The following OSMR variants were observed in gnomAD, a reference collection of about 807,000 sequenced individuals.
OSMR encodes oncostatin-M-specific receptor subunit beta.
Under a neutral mutation model 99.9 loss-of-function variants are expected in OSMR, and 81 were observed. The ratio of observed to expected loss-of-function variants is 0.81; its 90% CI spans 0.68 to 0.97. The LOEUF is 0.97. OSMR is among the 50% of genes least tolerant of loss of function. OSMR has a pLI of 0.00. For synonymous variants in OSMR, 406 were observed against 410.4 expected (o/e 0.99, Z 0.13); for missense variants, 1,099 against 1,153.4 (o/e 0.95, Z 0.68).
downstream of OSMR, chr5:38,939,127 A>G (rs1747261289): frequency 4.3e-6 from 1 of 232,928 alleles, no homozygotes; most frequent in Non-Finnish European, 8.5e-6. Context: ...TTGCTTAATG[A>G]TCTGTGCTTT....
intron 4 of OSMR, among the ~76,000 whole-genome samples, chr5:38,882,952 A>T (rs1743410231): frequency 6.6e-6 from 1 of 152,202 alleles, no homozygotes; most frequent in African/African-American, 2.4e-5. Flanking sequence ...TCCAGAGGTC[A>T]TGTGCTTAAC....
chr5:38,890,468 T>C (rs1744079117), intron 7 of OSMR, among the ~76,000 whole-genome samples: 1 of 152,228 alleles, frequency 6.6e-6, no homozygotes, highest in Non-Finnish European at 1.5e-5. Context: ...TTCAGTCTTT[T>C]AATTAGCTAT....
At chr5:38,850,275 T>C (rs1468373059) in intron 1 of OSMR, among the ~76,000 whole-genome samples, 1 of 152,238 alleles carries the variant, frequency 6.6e-6, no homozygotes, top group Non-Finnish European at 1.5e-5. Context: ...ACTATTTAAA[T>C]TTATGCTGCT....
At chr5:38,894,610 A>G (rs1318716372) in intron 7 of OSMR, among the ~76,000 whole-genome samples, 1 of 152,074 alleles carries the variant, frequency 6.6e-6, no homozygotes, top group Non-Finnish European at 1.5e-5. Context: ...AAGGCACTAC[A>G]TAATGATAAA....
At chr5:38,847,520 T>A (rs563425858) in intron 1 of OSMR, among the ~76,000 whole-genome samples, 36 of 152,272 alleles carry the variant, frequency 2.4e-4, no homozygotes, top group Non-Finnish European at 4.0e-4. Context: ...TGTTTCATTA[T>A]GGTCTTGCTT....
At chr5:38,880,511 C>T (rs151322418) in intron 3 of OSMR, among the ~76,000 whole-genome samples, 11 of 152,140 alleles carry the variant, frequency 7.2e-5, no homozygotes, top group South Asian at 2.1e-4. Flanking sequence ...AACAGCTAGC[C>T]GCAGTATATA....
At chr5:38,913,635 A>G (rs1745735076) in intron 9 of OSMR, among the ~76,000 whole-genome samples, 1 of 152,098 alleles carries the variant, frequency 6.6e-6, no homozygotes, top group South Asian at 2.1e-4. Context: ...AAAATGCTCA[A>G]CATCACCAAT....
intron 9 of OSMR, among the ~76,000 whole-genome samples, chr5:38,906,533 A>G (rs536539258): frequency 8.5e-5 from 13 of 152,356 alleles, no homozygotes; most frequent in Admixed American, 2.6e-4. Context: ...TGTTATAAAT[A>G]GTAATTTACA....
chr5:38,874,869 T>C (rs1327439741), intron 2 of OSMR, among the ~76,000 whole-genome samples: 6 of 152,256 alleles, frequency 3.9e-5, no homozygotes, highest in Admixed American at 2.6e-4. Context: ...AGGCATTGCA[T>C]GAGACAACAT....
chr5:38,893,137 C>T (rs1208574398), intron 7 of OSMR, among the ~76,000 whole-genome samples: 2 of 152,212 alleles, frequency 1.3e-5, no homozygotes, highest in Non-Finnish European at 2.9e-5. Context: ...TGGCTCTTAC[C>T]CGCAAGTGTC....
At chr5:38,905,883 C>T (rs1239339) in intron 9 of OSMR, among the ~76,000 whole-genome samples, 104,330 of 152,044 alleles carry the variant, frequency 0.69, 36,584 homozygotes, top group African/African-American at 0.83. Context: ...CTCTTTCTGT[C>T]TGATTCTGGG....
chr5:38,859,464 G>A (rs1741108916), intron 1 of OSMR, among the ~76,000 whole-genome samples: 1 of 152,088 alleles, frequency 6.6e-6, no homozygotes, highest in African/African-American at 2.4e-5. Context: ...GTATGTGTCT[G>A]TTTTTATACC....
chr5:38,896,630 C>G (rs1047706466), intron 7 of OSMR, among the ~76,000 whole-genome samples: 1 of 151,990 alleles, frequency 6.6e-6, no homozygotes, highest in Admixed American at 6.6e-5. Context: ...ATTTTGGATG[C>G]CCTTCCTTTC....
intron 1 of OSMR, among the ~76,000 whole-genome samples, chr5:38,859,418 A>T (rs2112113796): frequency 6.6e-6 from 1 of 152,090 alleles, no homozygotes; most frequent in South Asian, 2.1e-4. Flanking sequence ...TAAAAATGTG[A>T]ATTTATTTCT....
intron 12 of OSMR, 117 bp downstream of exon 12, chr5:38,921,911 C>A: frequency 1.2e-6 from 1 of 840,950 alleles, no homozygotes; most frequent in Non-Finnish European, 2.0e-6. Context: ...TTTGAAACGA[C>A]AAATCCAGCA....
chr5:38,919,542 GATA>G (rs756622423), intron 11 of OSMR: 69 of 342,266 alleles, frequency 2.0e-4, no homozygotes, highest in Non-Finnish European at 3.6e-4. Context: ...TAGAATAAAA[GATA>G]ATAACTGGCT....
At chr5:38,858,034 T>C (rs1740991522) in intron 1 of OSMR, among the ~76,000 whole-genome samples, 1 of 152,226 alleles carries the variant, frequency 6.6e-6, no homozygotes, top group South Asian at 2.1e-4. Flanking sequence ...GTATATGTGA[T>C]ATTTTGGTAC....
chr5:38,869,108 C>A lies in OSMR; in HGVS notation c.64C>A (p.Gln22Lys), dbSNP rs201551338. The A allele has an allele frequency of 9.1e-5, 146 of 1,609,162 alleles. No homozygotes were observed. Among genetic ancestry groups the A allele is most frequent in the Non-Finnish European group, 3.4e-5 (40 of 1,175,652 alleles). ...FLTLLSLRTY[Q>K]SEVLAERLPL... The stretch of plus-strand genomic sequence containing the variant: ...AACATTGCTGTCCTTGAGGACTTAC[C>A]AGAGTGAAGGTAAGAAGTGGAAGGA... The change falls in exon 2 of 18, where the codon CAG becomes AAG. Residue 22 changes from glutamine to lysine, a missense_variant. Physicochemically the swap from Gln to Lys is moderately conservative, Grantham distance 53. Coordinates refer to ENST00000274276, the MANE Select transcript of OSMR (RefSeq NM_003999.3).
At chr5:38,924,986 T>C (rs1176377976) in intron 14 of OSMR, 17 of 571,938 alleles carry the variant, frequency 3.0e-5, no homozygotes, top group Non-Finnish European at 3.8e-5. Context: ...CTAGTACCCC[T>C]TGTTCAGTGG....
Sources: allele counts gnomAD v4.1 joint callset (sites outside exome capture counted in the v4.1 genomes callset), GRCh38; gene constraint gnomAD v4.1.1; transcripts MANE v1.5; gene names NCBI Gene and HGNC (gene_info 2026-07-23, HGNC 2026-07-21).